PARVA: variants seen among roughly 807,000 people sequenced by gnomAD.
PARVA encodes the protein alpha-parvin.
In PARVA, 25 loss-of-function variants were observed where a neutral mutation model predicts 52.6. The observed-to-expected ratio is 0.48, with a 90% CI of 0.35 to 0.66. The LOEUF (loss-of-function observed/expected upper bound fraction) is 0.66. PARVA is among the 30% of genes least tolerant of loss of function. PARVA has a pLI of 0.01. For missense variants in PARVA, 373 were observed against 450.9 expected (o/e 0.83, Z 1.56); for synonymous variants, 185 against 179.1 (o/e 1.03, Z -0.26).
intron 1 of PARVA, among the ~76,000 whole-genome samples, chr11:12,387,913 G>A (rs1417127063): frequency 2.0e-5 from 3 of 152,152 alleles, no homozygotes; most frequent in African/African-American, 4.8e-5. Flanking sequence ...GCAAGATTTA[G>A]GAGAGATAAG....
intron 12 of PARVA, among the ~76,000 whole-genome samples, chr11:12,522,102 T>G (rs1941644295): frequency 6.6e-6 from 1 of 152,186 alleles, no homozygotes; most frequent in African/African-American, 2.4e-5. Flanking sequence ...ACTTAGCAAT[T>G]CCATTCATAG....
At chr11:12,425,792 A>C (rs1030443274) in intron 1 of PARVA, among the ~76,000 whole-genome samples, 1 of 152,228 alleles carries the variant, frequency 6.6e-6, no homozygotes, top group Non-Finnish European at 1.5e-5. Flanking sequence ...AATATATGGC[A>C]GACGTTAAGA....
intron 1 of PARVA, among the ~76,000 whole-genome samples, chr11:12,419,589 A>G (rs567047702): frequency 3.3e-5 from 5 of 152,200 alleles, no homozygotes; most frequent in Non-Finnish European, 7.3e-5. Flanking sequence ...TGGGTGTACA[A>G]CTATATCTTC....
intron 4 of PARVA, among the ~76,000 whole-genome samples, chr11:12,495,990 A>G (rs1325453877): frequency 6.6e-6 from 1 of 152,252 alleles, no homozygotes; most frequent in East Asian, 1.9e-4. Context: ...CACATTAAGT[A>G]AGTTACCTTC....
intron 1 of PARVA, among the ~76,000 whole-genome samples, chr11:12,465,242 AGAGAGATGTGAGCT>A (rs1940839694): frequency 6.6e-6 from 1 of 152,176 alleles, no homozygotes; most frequent in Non-Finnish European, 1.5e-5. Context: ...AAGAAGAGGA[AGAGAGATGTGAGCT>A]GGCACACTCA....
At chr11:12,484,880 A>G (rs1166622006) in intron 4 of PARVA, among the ~76,000 whole-genome samples, 1 of 145,662 alleles carries the variant, frequency 6.9e-6, no homozygotes, top group South Asian at 2.2e-4. Context: ...TGGCACAATC[A>G]TAGCTCACTG....
At chr11:12,489,163 TAAA>T (rs796213841) in intron 4 of PARVA, among the ~76,000 whole-genome samples, 1 of 137,080 alleles carries the variant, frequency 7.3e-6, no homozygotes. Context: ...CACCTCTATT[TAAA>T]AAAAAAAAAG....
At chr11:12,382,389 T>C (rs1246292719) in intron 1 of PARVA, among the ~76,000 whole-genome samples, 1 of 151,984 alleles carries the variant, frequency 6.6e-6, no homozygotes. Context: ...TTCTTTTTTT[T>C]TTTTTTTAAT....
At chr11:12,500,415 A>C (rs955487095) in intron 5 of PARVA, among the ~76,000 whole-genome samples, 8 of 152,166 alleles carry the variant, frequency 5.3e-5, no homozygotes, top group Admixed American at 4.6e-4. Flanking sequence ...AGCAATGATG[A>C]GGGTGCACAA....
intron 1 of PARVA, among the ~76,000 whole-genome samples, chr11:12,429,433 C>T (rs1940283773): frequency 6.6e-6 from 1 of 152,138 alleles, no homozygotes; most frequent in South Asian, 2.1e-4. Context: ...TGTACAAATG[C>T]ATATATAAGT....
intron 5 of PARVA, among the ~76,000 whole-genome samples, chr11:12,497,932 C>G (rs766638035): frequency 7.2e-5 from 11 of 152,166 alleles, no homozygotes; most frequent in Non-Finnish European, 1.5e-4. Context: ...TGAATAGGGA[C>G]CACCTCCCTG....
intron 1 of PARVA, among the ~76,000 whole-genome samples, chr11:12,385,173 A>C (rs910799907): frequency 2.6e-5 from 4 of 152,034 alleles, no homozygotes; most frequent in African/African-American, 9.7e-5. Context: ...CCATCTCTAC[A>C]AAAAAATTAG....
chr11:12,518,637 G>A (rs1941600748), intron 12 of PARVA, 120 bp downstream of exon 12: 1 of 746,014 alleles, frequency 1.3e-6, no homozygotes. Flanking sequence ...GGGAAGGTGG[G>A]ACTCGGTGCA....
At chr11:12,484,508 TGTGTGTGTGTGTGTGTGTG>T in intron 4 of PARVA, among the ~76,000 whole-genome samples, 1 of 7,506 alleles carries the variant, frequency 1.3e-4, no homozygotes, top group Admixed American at 6.3e-3. Context: ...TGTTTTGGTG[TGTGTGTGTGTGTGTGTGTG>T]TGTGTGTGTG....
chr11:12,494,018 G>C (rs946364884), intron 4 of PARVA, among the ~76,000 whole-genome samples: 1 of 152,182 alleles, frequency 6.6e-6, no homozygotes, highest in African/African-American at 2.4e-5. Context: ...CCTTTCCTCA[G>C]ATATGATCAT....
Position 12,513,327 on chromosome 11 carries a change from C to T in PARVA, c.765C>T (p.Asp255=). Residue 255 remains aspartate (D), a synonymous_variant, in exon 9 of 13, where the codon GAC becomes GAT. Transcript: ENST00000334956. The part of the protein sequence containing the change: ...HERDAFDTLF[D]HAPDKLNVVK... ...GTGATGCCTTTGACACCTTGTTCGA[C>T]CATGCCCCAGACAAGCTGAATGTGG... The T allele has an allele frequency of 6.2e-7, 1 of 1,613,872 alleles. No individual in the cohort carries two copies. The highest frequency in any genetic ancestry group is 8.5e-7 in the Non-Finnish European group (1 of 1,179,776).
upstream of PARVA, chr11:12,376,752 T>C (rs1334784776): frequency 1.0e-6 from 1 of 982,830 alleles, no homozygotes; most frequent in Non-Finnish European, 1.2e-6. Context: ...CAATAACACG[T>C]GCCTTTTAAT....
chr11:12,531,603 A>C lies in PARVA; in HGVS notation c.*3678A>C, dbSNP rs1941773431. Among the ~76,000 whole-genome samples the C allele has an allele frequency of 6.6e-6, 1 of 151,936 alleles. No homozygotes were observed. The highest frequency in any genetic ancestry group is 1.5e-5 in the Non-Finnish European group (1 of 68,000). ...AGGTGAAACAGTTTTGCCGTGCCTA[A>C]GTGGAGGCTGATCAAAACTAATTTG... is the stretch of plus-strand genomic sequence containing the variant. On this transcript the variant is annotated 3_prime_UTR_variant, in exon 13 of 13. Transcript: ENST00000334956.
intron 12 of PARVA, among the ~76,000 whole-genome samples, chr11:12,524,813 A>C (rs143172834): frequency 8.7e-4 from 133 of 152,356 alleles, no homozygotes; most frequent in African/African-American, 3.1e-3. Context: ...TGTTCAAGGA[A>C]CCTACAGTCC....
Sources: gnomAD v4.1 joint callset for allele counts (sites outside exome capture counted in the v4.1 genomes callset) on GRCh38, gnomAD v4.1.1 for gene constraint, MANE v1.5 for transcripts, NCBI Gene and HGNC (gene_info 2026-07-23, HGNC 2026-07-21) for gene names.